TPD52L1: variants seen among roughly 807,000 people sequenced by gnomAD.
TPD52L1 encodes TPD52 like 1.
TPD52L1 carries 18 observed loss-of-function variants against 28.7 expected under a neutral mutation model. The observed-to-expected ratio is 0.63, with a 90% CI of 0.43 to 0.93. The LOEUF (loss-of-function observed/expected upper bound fraction) is 0.93, where lower values mean the gene tolerates loss of function less well. Ranked by LOEUF, TPD52L1 falls within the 40% of genes least tolerant of loss-of-function variation. The probability of loss-of-function intolerance (pLI) is 0.00; values close to 1 mark genes in which losing one functional copy is unlikely to be tolerated. For missense variants in TPD52L1, 203 were observed against 254.8 expected (o/e 0.80, Z 1.39); for synonymous variants, 75 against 88.8 (o/e 0.84, Z 0.88).
At chr6:125,224,470 C>CCTCTCTCTCTCTCTCTCTCT (rs58505448) in intron 2 of TPD52L1, among the ~76,000 whole-genome samples, 5 of 143,372 alleles carry the variant, frequency 3.5e-5, no homozygotes, top group African/African-American at 1.3e-4. Context: ...AGGCTCTGGG[C>CCTCTCTCTCTCTCTCTCTCT]CTCTCTCTCT....
chr6:125,237,046 G>A (rs1230368835), intron 3 of TPD52L1, among the ~76,000 whole-genome samples: 1 of 152,196 alleles, frequency 6.6e-6, no homozygotes, highest in Non-Finnish European at 1.5e-5. Flanking sequence ...AAGGTAGGAG[G>A]GGGCCTGGTA....
intron 6 of TPD52L1, among the ~76,000 whole-genome samples, chr6:125,258,315 G>A (rs566149578): frequency 6.6e-6 from 1 of 152,260 alleles, no homozygotes; most frequent in African/African-American, 2.4e-5. Context: ...CGCTCTGCAT[G>A]CCAACATCAT....
At chr6:125,168,738 G>C (rs915559518) in intron 1 of TPD52L1, among the ~76,000 whole-genome samples, 1 of 152,052 alleles carries the variant, frequency 6.6e-6, no homozygotes, top group African/African-American at 2.4e-5. Context: ...GGATGGTCTC[G>C]ATCTCTTGAC....
intron 1 of TPD52L1, among the ~76,000 whole-genome samples, chr6:125,217,095 C>G (rs1214212123): frequency 1.3e-5 from 2 of 152,040 alleles, no homozygotes; most frequent in Non-Finnish European, 2.9e-5. Context: ...AGAAAATACT[C>G]ATGAACAGAA....
At chr6:125,166,838 C>A (rs1790940945) in intron 1 of TPD52L1, among the ~76,000 whole-genome samples, 2 of 151,000 alleles carry the variant, frequency 1.3e-5, no homozygotes, top group South Asian at 4.2e-4. Context: ...CAGTTTGTGA[C>A]AATGTCTAGA....
intron 1 of TPD52L1, among the ~76,000 whole-genome samples, chr6:125,188,598 A>T (rs1792812887): frequency 6.6e-6 from 1 of 152,178 alleles, no homozygotes; most frequent in South Asian, 2.1e-4. Flanking sequence ...AATTTTATGA[A>T]ATGTTACTTG....
At chr6:125,251,553 T>C (rs1016277331) in intron 4 of TPD52L1, among the ~76,000 whole-genome samples, 1 of 152,224 alleles carries the variant, frequency 6.6e-6, no homozygotes, top group Non-Finnish European at 1.5e-5. Flanking sequence ...AACCTGATTG[T>C]CATGGAATTG....
chr6:125,257,677 T>C (rs144141821), intron 6 of TPD52L1, among the ~76,000 whole-genome samples: 153 of 152,318 alleles, frequency 1.0e-3, no homozygotes, highest in African/African-American at 3.6e-3. Flanking sequence ...ACAAAATGCA[T>C]TTTATAATAA....
At chr6:125,229,068 T>A in intron 2 of TPD52L1, 50 bp from the exon 3 acceptor site, 1 of 1,581,084 alleles carries the variant, frequency 6.3e-7, no homozygotes, top group Non-Finnish European at 8.6e-7. Context: ...GTAAGTATCC[T>A]TTTTTGCTGG....
At chr6:125,211,809 A>C (rs1794536711) in intron 1 of TPD52L1, among the ~76,000 whole-genome samples, 1 of 152,202 alleles carries the variant, frequency 6.6e-6, no homozygotes, top group Admixed American at 6.5e-5. Context: ...TTTCTACTAC[A>C]CACCTGATTC....
chr6:125,253,844 C>A, intron 5 of TPD52L1, 89 bp downstream of exon 5: 1 of 1,247,854 alleles, frequency 8.0e-7, no homozygotes, highest in Non-Finnish European at 1.2e-6. Context: ...GGTTCCTCTG[C>A]TTTATGTGAA....
intron 3 of TPD52L1, among the ~76,000 whole-genome samples, chr6:125,245,682 A>C (rs967080926): frequency 6.6e-6 from 1 of 152,130 alleles, no homozygotes; most frequent in African/African-American, 2.4e-5. Flanking sequence ...ATAGTTTATC[A>C]AGGAAGTGGG....
At chr6:125,226,623 AT>A (rs902419385) in intron 2 of TPD52L1, among the ~76,000 whole-genome samples, 1 of 151,696 alleles carries the variant, frequency 6.6e-6, no homozygotes, top group Non-Finnish European at 1.5e-5. Context: ...TTTTCCCCTT[AT>A]TTTTTTACAC....
At chr6:125,220,216 T>G (rs1795145312) in intron 2 of TPD52L1, 23 bp downstream of exon 2, 1 of 1,453,242 alleles carries the variant, frequency 6.9e-7, no homozygotes, top group East Asian at 2.3e-5. Context: ...ATCTTATTGT[T>G]GCTATTTCTA....
intron 4 of TPD52L1, among the ~76,000 whole-genome samples, chr6:125,249,378 T>C (rs1228015406): frequency 6.6e-6 from 1 of 151,814 alleles, no homozygotes; most frequent in African/African-American, 2.4e-5. Flanking sequence ...TACTTTTTTA[T>C]TAAAAAGAAA....
chr6:125,162,843 A>G (rs1347592385), intron 1 of TPD52L1, among the ~76,000 whole-genome samples: 1 of 152,264 alleles, frequency 6.6e-6, no homozygotes, highest in Non-Finnish European at 1.5e-5. Context: ...TTATTAGCAT[A>G]TGCTGAAAAC....
intron 3 of TPD52L1, among the ~76,000 whole-genome samples, chr6:125,241,975 C>T (rs1001942896): frequency 1.3e-5 from 2 of 151,904 alleles, no homozygotes; most frequent in Non-Finnish European, 2.9e-5. Flanking sequence ...ATGAAATTTC[C>T]TCTTAGCACT....
intron 3 of TPD52L1, among the ~76,000 whole-genome samples, chr6:125,242,420 T>C (rs1485572991): frequency 6.6e-6 from 1 of 151,796 alleles, no homozygotes; most frequent in Non-Finnish European, 1.5e-5. Context: ...TGCATTGCCA[T>C]CTATCTCATT....
chr6:125,191,999 A>G (rs9398777), intron 1 of TPD52L1, among the ~76,000 whole-genome samples: 41 of 152,342 alleles, frequency 2.7e-4, no homozygotes, highest in East Asian at 7.7e-4. Flanking sequence ...CATATCTACT[A>G]AATAGTCACC....
Sources: allele counts gnomAD v4.1 joint callset (sites outside exome capture counted in the v4.1 genomes callset), GRCh38; gene constraint gnomAD v4.1.1; transcripts MANE v1.5; gene names NCBI Gene and HGNC (gene_info 2026-07-23, HGNC 2026-07-21).